Variants in ARHGAP42 observed in about 807,000 individuals in gnomAD.
ARHGAP42 encodes the protein rho GTPase-activating protein 42.
Under a neutral mutation model 125.0 loss-of-function variants are expected in ARHGAP42, and 63 were observed. The ratio of observed to expected loss-of-function variants is 0.50; its 90% CI spans 0.41 to 0.62. The LOEUF (loss-of-function observed/expected upper bound fraction) is 0.62. Ranked by LOEUF, ARHGAP42 falls within the 20% of genes least tolerant of loss-of-function variation. ARHGAP42 has a pLI of 0.00. For synonymous variants in ARHGAP42, 339 were observed against 351.0 expected (o/e 0.97, Z 0.38); for missense variants, 766 against 1,024.2 (o/e 0.75, Z 3.44).
intron 22 of ARHGAP42, among the ~76,000 whole-genome samples, chr11:100,980,552 T>C (rs990384006): frequency 8.3e-5 from 6 of 72,288 alleles, no homozygotes; most frequent in African/African-American, 4.5e-4. Context: ...TACTTCTTTT[T>C]CTTCTTCTTT....
At chr11:100,886,531 T>G (rs1190005666) in intron 4 of ARHGAP42, among the ~76,000 whole-genome samples, 1 of 152,210 alleles carries the variant, frequency 6.6e-6, no homozygotes, top group Non-Finnish European at 1.5e-5. Context: ...ATCACAAGAT[T>G]TAGAAATAGC....
At chr11:100,961,065 G>C (rs935426287) in intron 14 of ARHGAP42, 76 bp downstream of exon 14, 2 of 914,850 alleles carry the variant, frequency 2.2e-6, no homozygotes, top group African/African-American at 3.4e-5. Flanking sequence ...TCTTTGACTA[G>C]TGCTTGTCTT....
At chr11:100,931,037 A>G (rs937497988) in intron 6 of ARHGAP42, among the ~76,000 whole-genome samples, 1 of 152,172 alleles carries the variant, frequency 6.6e-6, no homozygotes, top group African/African-American at 2.4e-5. Flanking sequence ...TAAACATGAA[A>G]GTCATTATGT....
chr11:100,815,867 T>C (rs1172424817), intron 3 of ARHGAP42, among the ~76,000 whole-genome samples: 1 of 152,194 alleles, frequency 6.6e-6, no homozygotes, highest in Non-Finnish European at 1.5e-5. Context: ...AGTTTGACTA[T>C]TCTAGATACT....
At chr11:100,688,621 A>C (rs1167198011) in intron 1 of ARHGAP42, among the ~76,000 whole-genome samples, 1 of 152,190 alleles carries the variant, frequency 6.6e-6, no homozygotes, top group Non-Finnish European at 1.5e-5. Context: ...CTAAGACCTA[A>C]GAGTATCTGA....
At chr11:100,898,173 G>A (rs1866415350) in intron 4 of ARHGAP42, among the ~76,000 whole-genome samples, 2 of 152,164 alleles carry the variant, frequency 1.3e-5, no homozygotes, top group Non-Finnish European at 2.9e-5. Context: ...AACCAGCCTT[G>A]CATCCCAGGG....
intron 4 of ARHGAP42, among the ~76,000 whole-genome samples, chr11:100,907,399 C>G (rs1200009391): frequency 6.6e-6 from 1 of 152,100 alleles, no homozygotes; most frequent in Non-Finnish European, 1.5e-5. Flanking sequence ...AGTTTGATTA[C>G]CTGGTGGTGG....
intron 1 of ARHGAP42, among the ~76,000 whole-genome samples, chr11:100,751,707 G>A (rs1268491719): frequency 2.0e-5 from 3 of 150,746 alleles, no homozygotes; most frequent in Admixed American, 2.0e-4. Context: ...AGGCCAGCAG[G>A]GAAGTGATCC....
intron 4 of ARHGAP42, among the ~76,000 whole-genome samples, chr11:100,907,123 C>T (rs1218986519): frequency 6.6e-6 from 1 of 152,240 alleles, no homozygotes; most frequent in Admixed American, 6.5e-5. Flanking sequence ...GTTCCTGTGT[C>T]TCCACATGCT....
intron 4 of ARHGAP42, among the ~76,000 whole-genome samples, chr11:100,882,364 T>G (rs146523250): frequency 6.6e-6 from 1 of 152,222 alleles, no homozygotes; most frequent in Non-Finnish European, 1.5e-5. Context: ...GTAATTTTTG[T>G]TTTTAATTCT....
At chr11:100,944,238 G>A (rs76201822) in intron 10 of ARHGAP42, among the ~76,000 whole-genome samples, 7,493 of 152,022 alleles carry the variant, frequency 0.049, 322 homozygotes, top group East Asian at 0.25. Context: ...TTGCTTCTAA[G>A]GAATAAGATG....
intron 4 of ARHGAP42, among the ~76,000 whole-genome samples, chr11:100,875,761 C>CG (rs66825732): frequency 0.013 from 2,038 of 151,796 alleles, 39 homozygotes; most frequent in African/African-American, 0.039. Context: ...TCCAGGGTGG[C>CG]GGGGGGTGAC....
chr11:100,813,068 T>C (rs1156948909), intron 3 of ARHGAP42, among the ~76,000 whole-genome samples: 2 of 152,092 alleles, frequency 1.3e-5, no homozygotes, highest in Non-Finnish European at 2.9e-5. Flanking sequence ...AGTGTTCAGA[T>C]GCTAGGTTTA....
chr11:100,957,701 A>C (rs1028987574), intron 12 of ARHGAP42, among the ~76,000 whole-genome samples: 1 of 152,084 alleles, frequency 6.6e-6, no homozygotes, highest in African/African-American at 2.4e-5. Flanking sequence ...TACAGGATCC[A>C]TGGAATATGT....
intron 3 of ARHGAP42, among the ~76,000 whole-genome samples, chr11:100,837,992 G>GTTC (rs1444541913): frequency 1.5e-5 from 1 of 67,532 alleles, no homozygotes; most frequent in African/African-American, 4.9e-5. Flanking sequence ...GGCTCTGTTT[G>GTTC]TGTTGTTCTT....
intron 1 of ARHGAP42, among the ~76,000 whole-genome samples, chr11:100,690,821 C>T (rs555871014): frequency 7.2e-5 from 11 of 152,092 alleles, no homozygotes; most frequent in African/African-American, 2.4e-4. Context: ...AGGATGATCT[C>T]GATCTCCTGA....
intron 4 of ARHGAP42, among the ~76,000 whole-genome samples, chr11:100,897,485 T>A (rs550633062): frequency 6.6e-6 from 1 of 152,336 alleles, no homozygotes; most frequent in South Asian, 2.1e-4. Context: ...TGGAATGTTC[T>A]TCCATTTGTT....
intron 1 of ARHGAP42, among the ~76,000 whole-genome samples, chr11:100,743,774 T>C (rs1300118534): frequency 6.6e-6 from 1 of 152,240 alleles, no homozygotes; most frequent in East Asian, 1.9e-4. Context: ...TTGATTCTTT[T>C]AAATTTTTAT....
At chr11:100,920,356 A>G (rs1028233164) in intron 5 of ARHGAP42, among the ~76,000 whole-genome samples, 5 of 152,180 alleles carry the variant, frequency 3.3e-5, no homozygotes, top group African/African-American at 9.7e-5. Flanking sequence ...GTACATGTAT[A>G]ATTTTTTACT....
Sources: gnomAD v4.1 joint callset for allele counts (sites outside exome capture counted in the v4.1 genomes callset) on GRCh38, gnomAD v4.1.1 for gene constraint, MANE v1.5 for transcripts, NCBI Gene and HGNC (gene_info 2026-07-23, HGNC 2026-07-21) for gene names.